Variants in TNIK observed in about 807,000 individuals in gnomAD.
The protein encoded by TNIK is TRAF2 and NCK interacting kinase.
A neutral mutation model predicts 191.3 loss-of-function variants in TNIK; 49 were observed. That is an observed-to-expected ratio of 0.26 (90% CI 0.20 to 0.32). The LOEUF (loss-of-function observed/expected upper bound fraction) is 0.32, where lower values mean the gene tolerates loss of function less well. TNIK is among the 10% of genes least tolerant of loss of function. The pLI is 1.00. For missense variants in TNIK, 1,155 were observed against 1,702.3 expected (o/e 0.68, Z 5.66); for synonymous variants, 594 against 600.9 (o/e 0.99, Z 0.17).
chr3:171,348,342 G>A (rs1712594809), intron 2 of TNIK, among the ~76,000 whole-genome samples: 1 of 152,080 alleles, frequency 6.6e-6, no homozygotes, highest in African/African-American at 2.4e-5. Flanking sequence ...GTGGCATAAA[G>A]AGAATCCATC....
At chr3:171,075,597 C>T (rs915026482) in intron 28 of TNIK, among the ~76,000 whole-genome samples, 8 of 152,146 alleles carry the variant, frequency 5.3e-5, no homozygotes. Flanking sequence ...TTTGAACATC[C>T]ATTCCTTTTT....
chr3:171,344,146 C>G (rs1711765787), intron 2 of TNIK, among the ~76,000 whole-genome samples: 1 of 152,100 alleles, frequency 6.6e-6, no homozygotes, highest in South Asian at 2.1e-4. Flanking sequence ...ATATCTTGCC[C>G]CTGTTTGCAT....
intron 4 of TNIK, among the ~76,000 whole-genome samples, chr3:171,200,807 C>T (rs1205051078): frequency 6.6e-6 from 1 of 152,034 alleles, no homozygotes; most frequent in Non-Finnish European, 1.5e-5. Context: ...TCCTGGGGTC[C>T]CTAAAGTATT....
At chr3:171,290,421 C>T (rs1751552724) in intron 2 of TNIK, among the ~76,000 whole-genome samples, 1 of 152,116 alleles carries the variant, frequency 6.6e-6, no homozygotes, top group Admixed American at 6.5e-5. Context: ...ATAATTTTTT[C>T]TCATTGACTC....
intron 2 of TNIK, among the ~76,000 whole-genome samples, chr3:171,261,752 C>T (rs1380390365): frequency 6.6e-6 from 1 of 152,152 alleles, no homozygotes; most frequent in Non-Finnish European, 1.5e-5. Context: ...GGGCGAGGCA[C>T]CCTCTTCTAA....
chr3:171,387,072 G>A (rs990514845), intron 1 of TNIK, among the ~76,000 whole-genome samples: 17 of 152,092 alleles, frequency 1.1e-4, no homozygotes, highest in African/African-American at 4.1e-4. Context: ...AATAAGCTGA[G>A]CATGTTTGCT....
chr3:171,156,662 A>G (rs1733219109), intron 12 of TNIK, among the ~76,000 whole-genome samples: 1 of 152,224 alleles, frequency 6.6e-6, no homozygotes, highest in Non-Finnish European at 1.5e-5. Flanking sequence ...TAAGACCACA[A>G]GGTGAGAGTC....
chr3:171,369,049 T>A (rs569552113), intron 2 of TNIK, among the ~76,000 whole-genome samples: 123 of 152,232 alleles, frequency 8.1e-4, no homozygotes, highest in African/African-American at 2.8e-3. Context: ...TTTGAGTGAA[T>A]TTGTAAGCAG....
intron 9 of TNIK, among the ~76,000 whole-genome samples, chr3:171,167,800 A>G (rs945283477): frequency 4.6e-5 from 7 of 152,254 alleles, no homozygotes; most frequent in African/African-American, 1.7e-4. Flanking sequence ...GATAGGTAAC[A>G]GGGAGTGCAT....
chr3:171,219,027 G>T, intron 3 of TNIK, among the ~76,000 whole-genome samples: 2 of 68,978 alleles, frequency 2.9e-5, no homozygotes, highest in African/African-American at 8.6e-5. Flanking sequence ...CTATATTAGT[G>T]TATTAATTAT....
intron 1 of TNIK, among the ~76,000 whole-genome samples, chr3:171,415,973 C>CAAAAAAAAAAAAAAAAAA (rs769531813): frequency 6.4e-4 from 8 of 12,540 alleles, no homozygotes; most frequent in Admixed American, 1.2e-3. Context: ...GAGACTGTCT[C>CAAAAAAAAAAAAAAAAAA]AAAAAAAAAA....
chr3:171,446,077 C>T (rs1006987404), intron 1 of TNIK, among the ~76,000 whole-genome samples: 1 of 152,180 alleles, frequency 6.6e-6, no homozygotes, highest in African/African-American at 2.4e-5. Context: ...CAAAAACAGT[C>T]CAACAGAATC....
At chr3:171,341,675 A>G (rs1304320915) in intron 2 of TNIK, among the ~76,000 whole-genome samples, 1 of 152,170 alleles carries the variant, frequency 6.6e-6, no homozygotes, top group Non-Finnish European at 1.5e-5. Flanking sequence ...CATTTTACAA[A>G]CATTCACTAA....
At chr3:171,334,273 T>C (rs1346986962) in intron 2 of TNIK, among the ~76,000 whole-genome samples, 2 of 152,198 alleles carry the variant, frequency 1.3e-5, no homozygotes, top group Non-Finnish European at 2.9e-5. Flanking sequence ...TCTCGCTCTC[T>C]CCTCTCTGTT....
At chr3:171,227,716 T>C (rs1328755618) in intron 3 of TNIK, among the ~76,000 whole-genome samples, 1 of 152,200 alleles carries the variant, frequency 6.6e-6, no homozygotes, top group Non-Finnish European at 1.5e-5. Flanking sequence ...ATTATTTTTC[T>C]AGAAAACAAT....
chr3:171,378,707 T>A (rs1717608421), intron 1 of TNIK, among the ~76,000 whole-genome samples: 1 of 152,146 alleles, frequency 6.6e-6, no homozygotes, highest in South Asian at 2.1e-4. Flanking sequence ...TCTGTGACAT[T>A]TGCAGCGAGG....
intron 21 of TNIK, 123 bp from the exon 22 acceptor site, chr3:171,101,756 A>C: frequency 1.1e-6 from 1 of 898,110 alleles, no homozygotes; most frequent in Non-Finnish European, 1.7e-6. Flanking sequence ...AACTGTGACA[A>C]ACATAGTTAC....
intron 2 of TNIK, among the ~76,000 whole-genome samples, chr3:171,251,203 A>G (rs1746180629): frequency 6.6e-6 from 1 of 152,250 alleles, no homozygotes; most frequent in Non-Finnish European, 1.5e-5. Flanking sequence ...TACAGACAGC[A>G]GAGAACAGCA....
intron 1 of TNIK, among the ~76,000 whole-genome samples, chr3:171,430,169 C>T (rs1344946654): frequency 2.6e-5 from 4 of 152,194 alleles, no homozygotes; most frequent in South Asian, 2.1e-4. Flanking sequence ...ACACCAAATA[C>T]GGTATTTAGC....
Sources: gnomAD v4.1 joint callset for allele counts (sites outside exome capture counted in the v4.1 genomes callset) on GRCh38, gnomAD v4.1.1 for gene constraint, MANE v1.5 for transcripts, NCBI Gene and HGNC (gene_info 2026-07-23, HGNC 2026-07-21) for gene names.